The following BCL11A variants were observed in gnomAD, a reference collection of about 807,000 sequenced individuals.
The protein encoded by BCL11A is B cell CLL/lymphoma 11A.
BCL11A carries 2 observed loss-of-function variants against 55.9 expected under a neutral mutation model. That is an observed-to-expected ratio of 0.04 (90% CI 0.01 to 0.11). BCL11A has a LOEUF of 0.11. Among genes scored for constraint, BCL11A ranks in the 10% least tolerant of loss-of-function variants. The pLI is 1.00. For missense variants in BCL11A, 817 were observed against 1,137.1 expected, an observed-to-expected ratio of 0.72 and a Z score of 4.05; for synonymous variants, 465 against 473.4, an observed-to-expected ratio of 0.98 and a Z score of 0.23.
rs962844231 is a variant in BCL11A at position 60,457,950 on chromosome 2, CTCT to C, written c.*2451_*2453del. 6.8e-6 allele frequency: 7 copies of C among 1,036,408 alleles called. No homozygotes were observed. In the Admixed American group the frequency reaches 1.7e-4, roughly 25 times the overall value. The allele number at this position is 1,036,408 out of a possible 1,614,324, so 64.2% of individuals were successfully genotyped here. A position where few individuals can be genotyped will look rare whatever the true frequency, so the allele number is the denominator to read the frequency against. ...TGTAATGTCACACTTTTTTGTTTCT[CTCT>C]TTTTTTTTTTTTTGAAGCATACAAA... On this transcript the variant is annotated 3_prime_UTR_variant, in exon 4 of 4. Coordinates refer to ENST00000642384, the MANE Select transcript of BCL11A (RefSeq NM_022893.4).
chr2:60,543,611 C>T (rs181712211), intron 2 of BCL11A: 69 of 152,292 alleles, frequency 4.5e-4, no homozygotes, highest in African/African-American at 1.4e-3. Flanking sequence ...ACTCTTAATT[C>T]ATTACTGTGA....
intron 3 of BCL11A, among the ~76,000 whole-genome samples, chr2:60,467,990 G>A (rs1248600968): frequency 1.5e-5 from 1 of 64,970 alleles, no homozygotes; most frequent in African/African-American, 6.5e-5. Flanking sequence ...GATGGTGGTG[G>A]TAATGGTGGT....
intron 2 of BCL11A, among the ~76,000 whole-genome samples, chr2:60,531,215 C>T (rs1669443491): frequency 6.6e-6 from 1 of 152,076 alleles, no homozygotes; most frequent in South Asian, 2.1e-4. Context: ...TTTTTCTCCT[C>T]CCTCTGTGTT....
chr2:60,549,233 T>G (rs1055657237), intron 1 of BCL11A, among the ~76,000 whole-genome samples: 2 of 152,124 alleles, frequency 1.3e-5, no homozygotes, highest in Non-Finnish European at 2.9e-5. Context: ...CTCTTTCCTC[T>G]CTGTGTAGTT....
In BCL11A at chr2:60,459,771, T is replaced by A. The variant is rs1326574951; in HGVS notation, c.*633A>T. The stretch of plus-strand genomic sequence containing the variant: ...GCCTTTTTTCTTCCTTTCCAATTGA[T>A]ACATTTAACCCTTTAGAGACAGACA... On this transcript the variant is annotated 3_prime_UTR_variant, in exon 4 of 4. Transcript: ENST00000642384. 1.1e-5 allele frequency: 11 copies of A among 1,041,726 alleles called. No individual in the cohort carries two copies. The highest frequency in any genetic ancestry group is 1.3e-5 in the Non-Finnish European group (11 of 864,218). 64.5% of individuals were successfully genotyped at this position (1,041,726 alleles called of 1,614,324 possible). A position where few individuals can be genotyped will look rare whatever the true frequency, so the allele number is the denominator to read the frequency against.
At chr2:60,540,317 G>A (rs1369756837) in intron 2 of BCL11A, among the ~76,000 whole-genome samples, 1 of 152,170 alleles carries the variant, frequency 6.6e-6, no homozygotes, top group Non-Finnish European at 1.5e-5. Context: ...TGGTACTACT[G>A]TATGTAAAAA....
At chr2:60,450,833 C>A (rs13034231), downstream of BCL11A, 37,379 of 152,254 alleles carry the variant, frequency 0.25, 4,978 homozygotes, top group African/African-American at 0.31. Flanking sequence ...TAGGAAGAGG[C>A]AACTCTGCAT....
chr2:60,537,016 T>A (rs1019026686), intron 2 of BCL11A: 1 of 152,252 alleles, frequency 6.6e-6, no homozygotes, highest in African/African-American at 2.4e-5. Context: ...GAATAAGATT[T>A]TTTTTCTTTC....
Position 60,548,196 on chromosome 2 carries a change from C to CT in BCL11A, c.56-1897dup, listed in dbSNP as rs1573099867. Reference sequence around the variant, plus strand: ...TTTAAGTACACATTGATAAATGTGGCTTTTTTGTTTAGCATTAGCTACAAG... The same window carrying CT: ...TTTAAGTACACATTGATAAATGTGGCTTTTTTTGTTTAGCATTAGCTACAAG... On this transcript the variant is annotated intron_variant, in intron 1 of 3. Coordinates refer to ENST00000642384, the MANE Select transcript of BCL11A (RefSeq NM_022893.4). 2.6e-5 allele frequency among the ~76,000 whole-genome samples: 4 copies of CT among 151,820 alleles called. No individual in the cohort carries two copies. In the South Asian group the frequency reaches 8.3e-4, roughly 31 times the overall value.
intron 2 of BCL11A, among the ~76,000 whole-genome samples, chr2:60,471,449 G>A (rs1256470530): frequency 6.6e-6 from 1 of 152,190 alleles, no homozygotes; most frequent in African/African-American, 2.4e-5. Context: ...AAGTAAAATC[G>A]ACATTCCCAC....
At position 60,457,443 on chromosome 2, in the gene BCL11A, A is replaced by G; in HGVS notation, c.*2961T>C. 1 of 1,038,848 alleles carries G rather than the reference A, an allele frequency of 9.6e-7. No individual in the cohort carries two copies. The highest frequency in any genetic ancestry group is 1.2e-6 in the Non-Finnish European group (1 of 861,452). 64.4% of individuals were successfully genotyped at this position (1,038,848 alleles called of 1,614,324 possible). A position where few individuals can be genotyped will look rare whatever the true frequency, so the allele number is the denominator to read the frequency against. On this transcript the variant is annotated 3_prime_UTR_variant, in exon 4 of 4. Coordinates refer to ENST00000642384, the MANE Select transcript of BCL11A (RefSeq NM_022893.4). ...GTTTTGAACAGGGCACATAAGCAAT[A>G]ATAAATAGTGACTCCCATAGTAAAA...
chr2:60,535,600 A>C (rs1284131753), intron 2 of BCL11A: 1 of 152,252 alleles, frequency 6.6e-6, no homozygotes, highest in Non-Finnish European at 1.5e-5. Flanking sequence ...GTATAAAAAC[A>C]GCTTTTTCAT....
chr2:60,489,023 G>A (rs751362039), intron 2 of BCL11A, among the ~76,000 whole-genome samples: 25 of 152,226 alleles, frequency 1.6e-4, no homozygotes, highest in South Asian at 8.3e-4. Flanking sequence ...GCCTCCCAAA[G>A]TGCTGGGATT....
chr2:60,526,431 T>A (rs1669204874), intron 2 of BCL11A: 1 of 152,228 alleles, frequency 6.6e-6, no homozygotes, highest in Non-Finnish European at 1.5e-5. Context: ...TTACTGCAGA[T>A]TGTCTCCTAT....
intron 2 of BCL11A, among the ~76,000 whole-genome samples, chr2:60,476,339 A>T (rs981398355): frequency 6.6e-6 from 1 of 152,256 alleles, no homozygotes; most frequent in Non-Finnish European, 1.5e-5. Context: ...AGAACCAGGA[A>T]GAAACTTCCC....
intron 2 of BCL11A, among the ~76,000 whole-genome samples, chr2:60,491,213 G>A (rs1429527421): frequency 2.0e-5 from 3 of 152,178 alleles, no homozygotes; most frequent in East Asian, 1.9e-4. Context: ...AGCCACCTGC[G>A]CATCCTCAAT....
intron 2 of BCL11A, among the ~76,000 whole-genome samples, chr2:60,501,683 T>C (rs1679291100): frequency 6.6e-6 from 1 of 151,914 alleles, no homozygotes; most frequent in Admixed American, 6.6e-5. Context: ...AGTTTATATT[T>C]TTAATAGAGA....
intron 2 of BCL11A, among the ~76,000 whole-genome samples, chr2:60,489,783 C>T (rs1678514776): frequency 6.6e-6 from 1 of 152,126 alleles, no homozygotes; most frequent in Non-Finnish European, 1.5e-5. Context: ...TCACCCCATC[C>T]AAAAATGTTT....
exon 5 of BCL11A, chr2:60,451,554 C>G (rs1675722675): frequency 4.3e-6 from 1 of 231,652 alleles, no homozygotes; most frequent in African/African-American, 2.2e-5. Context: ...TTCTTTCCTC[C>G]TATAATTTCC....
Sources: gnomAD v4.1 joint callset for allele counts (sites outside exome capture counted in the v4.1 genomes callset) on GRCh38, gnomAD v4.1.1 for gene constraint, MANE v1.5 for transcripts, NCBI Gene and HGNC (gene_info 2026-07-23, HGNC 2026-07-21) for gene names.